GNA14: variants seen among roughly 807,000 people sequenced by gnomAD.
GNA14 encodes the protein G protein subunit alpha 14, also known as guanine nucleotide-binding protein subunit alpha-14.
GNA14 carries 50 observed loss-of-function variants against 42.0 expected under a neutral mutation model. That is an observed-to-expected ratio of 1.19 (90% CI 0.95 to 1.51). GNA14 has a LOEUF of 1.51. GNA14 is among the 40% of genes most tolerant of loss of function. GNA14 has a pLI of 0.00. For synonymous variants in GNA14, 173 were observed against 163.1 expected (o/e 1.06, Z -0.46); for missense variants, 473 against 446.2 (o/e 1.06, Z -0.54).
At chr9:77,629,671 C>G (rs1226943617) in intron 1 of GNA14, among the ~76,000 whole-genome samples, 2 of 152,112 alleles carry the variant, frequency 1.3e-5, no homozygotes, top group Admixed American at 6.6e-5. Flanking sequence ...TAAGTGGGAA[C>G]TGAATAATGA....
rs908062510 is a variant in GNA14 at position 77,538,379 on chromosome 9, T to G, written c.125-9126A>C. On this transcript the variant is annotated intron_variant, in intron 1 of 6. Transcript: ENST00000341700. ...GTGAGGCATCGCTTCTGACCTGTTC[T>G]TTTTGCTCAGGATTGCTTTGCTTTG... Among the ~76,000 whole-genome samples the G allele has an allele frequency of 2.0e-5, 3 of 152,210 alleles. No homozygotes were observed. In the South Asian group the frequency reaches 6.2e-4, roughly 32 times the overall value.
chr9:77,607,827 A>G (rs1228120069), intron 1 of GNA14, among the ~76,000 whole-genome samples: 2 of 152,114 alleles, frequency 1.3e-5, no homozygotes, highest in East Asian at 3.9e-4. Context: ...GAGAAAAAAA[A>G]ACTCTAGTGT....
At chr9:77,594,178 A>G (rs144229255) in intron 1 of GNA14, among the ~76,000 whole-genome samples, 1 of 152,244 alleles carries the variant, frequency 6.6e-6, no homozygotes, top group African/African-American at 2.4e-5. Flanking sequence ...GCAGCAACAC[A>G]GTGGAGCAAC....
At chr9:77,523,304 T>A (rs1177985586) in intron 2 of GNA14, among the ~76,000 whole-genome samples, 1 of 152,122 alleles carries the variant, frequency 6.6e-6, no homozygotes, top group Non-Finnish European at 1.5e-5. Flanking sequence ...TGGGGAGGCC[T>A]CAGGAAACTT....
chr9:77,599,366 A>G (rs1462187049), intron 1 of GNA14, among the ~76,000 whole-genome samples: 2 of 152,330 alleles, frequency 1.3e-5, no homozygotes, highest in Non-Finnish European at 2.9e-5. Flanking sequence ...ATTTTTGAAT[A>G]GGGGGAAGGA....
intron 2 of GNA14, among the ~76,000 whole-genome samples, chr9:77,480,640 T>A (rs1323851419): frequency 2.0e-5 from 3 of 152,232 alleles, no homozygotes; most frequent in Non-Finnish European, 2.9e-5. Context: ...CTCCTCCTTG[T>A]ACATCTGGTA....
rs562707809 is a variant in GNA14, at chr9:77,507,236, T to G, written c.309+21833A>C. 2.6e-5 allele frequency among the ~76,000 whole-genome samples: 4 copies of G among 152,328 alleles called. No individual in the cohort carries two copies. In the East Asian group the frequency reaches 7.7e-4, roughly 29 times the overall value. On this transcript the variant is annotated intron_variant, in intron 2 of 6. Coordinates refer to ENST00000341700, the MANE Select transcript of GNA14 (RefSeq NM_004297.4). ...AGAGCAGGAAAATACTCAGCTTGTT[T>G]GGGAGTTAAATAATGAAGAGAAAGA...
intron 1 of GNA14, among the ~76,000 whole-genome samples, chr9:77,565,151 T>TG (rs1281256393): frequency 2.0e-5 from 3 of 152,204 alleles, no homozygotes; most frequent in Non-Finnish European, 4.4e-5. Context: ...ATGTAGTACT[T>TG]GAAAGTATTT....
intron 2 of GNA14, among the ~76,000 whole-genome samples, chr9:77,498,080 G>A (rs556801659): frequency 7.9e-5 from 12 of 152,192 alleles, no homozygotes; most frequent in African/African-American, 2.9e-4. Flanking sequence ...TAACCCAAAT[G>A]AAAACAAGCT....
At chr9:77,453,916 A>T (rs1835954989) in intron 2 of GNA14, among the ~76,000 whole-genome samples, 1 of 152,232 alleles carries the variant, frequency 6.6e-6, no homozygotes, top group South Asian at 2.1e-4. Context: ...CACAGGATAA[A>T]ACTGCTCAGA....
At chr9:77,547,222 G>C (rs1004628628) in intron 1 of GNA14, among the ~76,000 whole-genome samples, 3 of 152,114 alleles carry the variant, frequency 2.0e-5, no homozygotes, top group Non-Finnish European at 4.4e-5. Context: ...TCAGACAGTG[G>C]GGAAACACAG....
chr9:77,433,686 T>A (rs996924175), intron 3 of GNA14, among the ~76,000 whole-genome samples: 1 of 152,226 alleles, frequency 6.6e-6, no homozygotes, highest in Non-Finnish European at 1.5e-5. Flanking sequence ...GTCATCTCTA[T>A]GGGACAGTTT....
At chr9:77,572,756 G>C (rs974700603) in intron 1 of GNA14, among the ~76,000 whole-genome samples, 3 of 152,146 alleles carry the variant, frequency 2.0e-5, no homozygotes, top group Admixed American at 2.0e-4. Flanking sequence ...TGGTGTCTGT[G>C]TGCCTCCTGG....
chr9:77,499,870 T>C (rs1439719757), intron 2 of GNA14, among the ~76,000 whole-genome samples: 2 of 151,652 alleles, frequency 1.3e-5, no homozygotes, highest in African/African-American at 4.8e-5. Context: ...AATAAATAAA[T>C]AAATAAGGAT....
At chr9:77,531,129 C>G (rs1837522346) in intron 1 of GNA14, among the ~76,000 whole-genome samples, 1 of 152,182 alleles carries the variant, frequency 6.6e-6, no homozygotes, top group South Asian at 2.1e-4. Flanking sequence ...TCTCACCATA[C>G]CTTTCATCCA....
At chr9:77,441,795 T>C (rs1835741987) in intron 2 of GNA14, among the ~76,000 whole-genome samples, 1 of 152,210 alleles carries the variant, frequency 6.6e-6, no homozygotes, top group South Asian at 2.1e-4. Flanking sequence ...ACTACAGAAT[T>C]ATACTGTGTT....
At chr9:77,547,232 G>A (rs1837731242) in intron 1 of GNA14, among the ~76,000 whole-genome samples, 1 of 152,192 alleles carries the variant, frequency 6.6e-6, no homozygotes, top group South Asian at 2.1e-4. Context: ...GGGAAACACA[G>A]TGAAAAAGGT....
intron 2 of GNA14, among the ~76,000 whole-genome samples, chr9:77,438,660 T>G (rs991538242): frequency 2.0e-5 from 3 of 152,186 alleles, no homozygotes; most frequent in African/African-American, 7.2e-5. Flanking sequence ...TTCTATGCCT[T>G]TCAAGATTGG....
chr9:77,615,364 C>A (rs765573289), intron 1 of GNA14, among the ~76,000 whole-genome samples: 2 of 152,052 alleles, frequency 1.3e-5, no homozygotes, highest in Non-Finnish European at 2.9e-5. Context: ...TATGGAATAT[C>A]TGAAACACCT....
Sources: allele counts gnomAD v4.1 joint callset (sites outside exome capture counted in the v4.1 genomes callset), GRCh38; gene constraint gnomAD v4.1.1; transcripts MANE v1.5; gene names NCBI Gene and HGNC (gene_info 2026-07-23, HGNC 2026-07-21).